VWA8: variants seen among roughly 807,000 people sequenced by gnomAD.
VWA8 encodes von Willebrand factor A domain-containing protein 8.
Under a neutral mutation model 241.5 loss-of-function variants are expected in VWA8, and 221 were observed. The ratio of observed to expected loss-of-function variants is 0.91; its 90% CI spans 0.82 to 1.02. The LOEUF (loss-of-function observed/expected upper bound fraction) is 1.02, where lower values mean the gene tolerates loss of function less well. Ranked by LOEUF, VWA8 falls within the 50% of genes least tolerant of loss-of-function variation. The pLI, the probability that VWA8 is intolerant of heterozygous loss-of-function variation, is 0.00. For synonymous variants in VWA8, 852 were observed against 827.1 expected, an observed-to-expected ratio of 1.03 and a Z score of -0.52; for missense variants, 2,322 against 2,328.7, an observed-to-expected ratio of 1.00 and a Z score of 0.06.
intron 23 of VWA8, among the ~76,000 whole-genome samples, chr13:41,728,501 C>A (rs2045455314): frequency 6.6e-6 from 1 of 151,896 alleles, no homozygotes; most frequent in Admixed American, 6.6e-5. Context: ...TAGAGGGTTG[C>A]CAGGAGATAA....
At chr13:41,607,699 G>A (rs1211215123) in intron 39 of VWA8, among the ~76,000 whole-genome samples, 5 of 152,116 alleles carry the variant, frequency 3.3e-5, no homozygotes, top group Non-Finnish European at 7.4e-5. Context: ...AGCGCATTAT[G>A]GATACGACTC....
intron 39 of VWA8, among the ~76,000 whole-genome samples, chr13:41,609,232 G>C (rs58729334): frequency 0.12 from 17,940 of 152,126 alleles, 1,395 homozygotes; most frequent in South Asian, 0.24. Flanking sequence ...GATAAGAGTT[G>C]TGGAGAAAAG....
chr13:41,733,841 G>T (rs2045504436), intron 21 of VWA8, among the ~76,000 whole-genome samples: 1 of 151,928 alleles, frequency 6.6e-6, no homozygotes, highest in African/African-American at 2.4e-5. Flanking sequence ...GCTCACTGGA[G>T]GAATTCTATA....
chr13:41,817,906 T>C (rs1418128172), intron 15 of VWA8, among the ~76,000 whole-genome samples: 4 of 152,182 alleles, frequency 2.6e-5, no homozygotes, highest in African/African-American at 9.7e-5. Flanking sequence ...TGCTGTTTAA[T>C]GTGGTAGCCA....
chr13:41,788,556 C>G (rs1473077113), intron 17 of VWA8, among the ~76,000 whole-genome samples: 1 of 152,218 alleles, frequency 6.6e-6, no homozygotes, highest in African/African-American at 2.4e-5. Flanking sequence ...AGTAACTCCT[C>G]AGTTCAGCAT....
chr13:41,706,550 CTG>C (rs2045284218), intron 26 of VWA8, among the ~76,000 whole-genome samples: 1 of 152,182 alleles, frequency 6.6e-6, no homozygotes, highest in East Asian at 1.9e-4. Flanking sequence ...ACTAAGACCT[CTG>C]AATAAGCTGT....
chr13:41,696,632 G>A (rs1275262940), intron 29 of VWA8, among the ~76,000 whole-genome samples: 1 of 152,148 alleles, frequency 6.6e-6, no homozygotes, highest in African/African-American at 2.4e-5. Flanking sequence ...ATATGTAAAT[G>A]TGGCTGAGAG....
Position 41,675,025 on chromosome 13 carries a change from T to C in VWA8, c.4409+190A>G, listed in dbSNP as rs2045050602. 2.6e-5 allele frequency among the ~76,000 whole-genome samples: 4 copies of C among 151,932 alleles called. No individual in the cohort carries two copies. In the South Asian group the frequency reaches 8.3e-4, roughly 32 times the overall value. ...TACCTATGTAACACTGGAATATTTT[T>C]ACAAAATGAAAATAAAAATGCCAGG... On this transcript the variant is annotated intron_variant, in intron 36 of 44. Coordinates refer to ENST00000379310, the MANE Select transcript of VWA8 (RefSeq NM_015058.2).
chr13:41,927,569 T>C (rs569665574), intron 2 of VWA8, among the ~76,000 whole-genome samples: 2 of 151,138 alleles, frequency 1.3e-5, no homozygotes, highest in East Asian at 1.9e-4. Flanking sequence ...AGATGTTTTA[T>C]GTAAGCCTCA....
chr13:41,838,845 C>T (rs1487578667), intron 12 of VWA8, among the ~76,000 whole-genome samples: 4 of 152,148 alleles, frequency 2.6e-5, no homozygotes, highest in African/African-American at 9.7e-5. Context: ...CTTATGGCTG[C>T]AGAGTATTCC....
chr13:41,582,624 A>C (rs2139641524), intron 42 of VWA8, among the ~76,000 whole-genome samples: 1 of 152,328 alleles, frequency 6.6e-6, no homozygotes, highest in East Asian at 1.9e-4. Context: ...CTGTTCATGC[A>C]TAATTTTTTT....
intron 34 of VWA8, 69 bp downstream of exon 34, chr13:41,689,285 G>T: frequency 6.7e-7 from 1 of 1,497,182 alleles, no homozygotes. Flanking sequence ...CCTCAAACAG[G>T]CTTACAGATT....
At chr13:41,620,374 G>T (rs1369882156) in intron 37 of VWA8, among the ~76,000 whole-genome samples, 2 of 151,822 alleles carry the variant, frequency 1.3e-5, no homozygotes, top group African/African-American at 4.8e-5. Flanking sequence ...TTCTTTATCA[G>T]TCTTGCCAGC....
At chr13:41,852,959 AT>A (rs888765362) in intron 12 of VWA8, among the ~76,000 whole-genome samples, 95 of 151,666 alleles carry the variant, frequency 6.3e-4, no homozygotes, top group African/African-American at 2.2e-3. Flanking sequence ...GAATTTTAGT[AT>A]TTTTTTTCCA....
At chr13:41,751,245 T>G (rs889329777) in intron 21 of VWA8, among the ~76,000 whole-genome samples, 2 of 152,194 alleles carry the variant, frequency 1.3e-5, no homozygotes, top group African/African-American at 4.8e-5. Flanking sequence ...CTGCCATAAT[T>G]CATTTTTTAA....
At chr13:41,739,809 C>T (rs1184569189) in intron 21 of VWA8, among the ~76,000 whole-genome samples, 1 of 149,846 alleles carries the variant, frequency 6.7e-6, no homozygotes, top group African/African-American at 2.4e-5. Flanking sequence ...GCCTATCTTC[C>T]AGTATCATTG....
At chr13:41,898,354 G>C (rs1012136645) in intron 4 of VWA8, among the ~76,000 whole-genome samples, 4 of 151,280 alleles carry the variant, frequency 2.6e-5, no homozygotes, top group Non-Finnish European at 5.9e-5. Context: ...CTAGACACAG[G>C]GTGCTCCAAG....
rs761148807 is a variant in VWA8 at position 41,783,881 on chromosome 13, G to A, written c.2191C>T (p.Leu731=). The part of the protein sequence containing the change: ...DYKCEVTSGT[L]RIGAVSAPIY... ...GGTGCACTAACAGCACCAATCCTCA[G>A]AGTTCCAGATGTTACTTCACCTAAA... is the stretch of plus-strand genomic sequence containing the variant. The change falls in exon 19 of 45, where the codon CTG becomes TTG. Residue 731 remains leucine (L), a synonymous_variant. Coordinates refer to ENST00000379310, the MANE Select transcript of VWA8 (RefSeq NM_015058.2). 1 of 1,613,604 alleles carries A rather than the reference G, an allele frequency of 6.2e-7. No individual in the cohort carries two copies. Among genetic ancestry groups the A allele is most frequent in the Admixed American group, 1.7e-5 (1 of 59,952 alleles).
At chr13:41,794,979 C>A (rs1869624919) in intron 17 of VWA8, among the ~76,000 whole-genome samples, 1 of 152,078 alleles carries the variant, frequency 6.6e-6, no homozygotes, top group South Asian at 2.1e-4. Context: ...AGAGCTTCTG[C>A]ACAGCAAAAG....
Sources: gnomAD v4.1 joint callset for allele counts (sites outside exome capture counted in the v4.1 genomes callset) on GRCh38, gnomAD v4.1.1 for gene constraint, MANE v1.5 for transcripts, NCBI Gene and HGNC (gene_info 2026-07-23, HGNC 2026-07-21) for gene names.